The following EIF1AX variants were observed in gnomAD, a reference collection of about 807,000 sequenced individuals.
EIF1AX encodes eukaryotic translation initiation factor 1A X-linked.
Under a neutral mutation model 16.1 loss-of-function variants are expected in EIF1AX, and 1 was observed. The observed-to-expected ratio is 0.06, with a 90% CI of 0.02 to 0.30. The LOEUF (loss-of-function observed/expected upper bound fraction) is 0.30, where lower values mean the gene tolerates loss of function less well. EIF1AX is among the 10% of genes least tolerant of loss of function. The pLI, the probability that EIF1AX is intolerant of heterozygous loss-of-function variation, is 1.00. For synonymous variants in EIF1AX, 32 were observed against 37.3 expected (o/e 0.86, Z 0.51); for missense variants, 11 against 109.1 (o/e 0.10, Z 4.00).
At chrX:20,138,969 A>T (rs2067025985) in intron 1 of EIF1AX, among the ~76,000 whole-genome samples, 1 of 112,540 alleles carries the variant, frequency 8.9e-6, no homozygotes, top group African/African-American at 3.2e-5. Flanking sequence ...CTAAGCGGAA[A>T]TCTTGGGTGT....
intron 4 of EIF1AX, 91 bp from the exon 5 acceptor site, chrX:20,132,354 T>C: frequency 1.8e-6 from 1 of 570,807 alleles, no homozygotes; most frequent in South Asian, 3.9e-5. Flanking sequence ...AACAATCAAA[T>C]CTCACCGTTT....
chrX:20,137,306 C>T (rs1398631224), intron 2 of EIF1AX, among the ~76,000 whole-genome samples: 2 of 110,836 alleles, frequency 1.8e-5, no homozygotes, highest in Non-Finnish European at 1.9e-5. Flanking sequence ...AATACCCAGG[C>T]ATGGTGGCGG....
chrX:20,128,386 A>C, intron 6 of EIF1AX, 75 bp from the exon 7 acceptor site: 1 of 916,573 alleles, frequency 1.1e-6, no homozygotes, highest in Non-Finnish European at 1.5e-6. Flanking sequence ...TATATAAGGG[A>C]GACTTTCACC....
chrX:20,130,742 CT>C, intron 5 of EIF1AX, 135 bp from the exon 6 acceptor site: 2 of 570,006 alleles, frequency 3.5e-6, no homozygotes, highest in Non-Finnish European at 5.0e-6. Context: ...AGTGTCACTG[CT>C]AAGTCAAGAT....
At chrX:20,140,537 C>T (rs1165866497) in intron 1 of EIF1AX, 1 of 111,944 alleles carries the variant, frequency 8.9e-6, no homozygotes, top group Non-Finnish European at 1.9e-5. Context: ...CAGAACACCT[C>T]GACCAAGTAC....
chrX:20,138,423 C>T lies in EIF1AX; in HGVS notation c.100+116G>A, dbSNP rs1021027178. ...GGTCATGGCTGCAGTGGGCTGTAAT[C>T]GTGCCACCACACTTCACCCTGGGCG... On this transcript the variant is annotated intron_variant, in intron 2 of 6. Transcript: ENST00000379607. 5.9e-5 allele frequency: 35 copies of T among 593,135 alleles called. No homozygotes were observed. In the African/African-American group the frequency reaches 6.1e-4, roughly 10 times the overall value. 48.9% of individuals were successfully genotyped at this position (593,135 alleles called of 1,213,427 possible).
Position 20,137,342 on chromosome X carries a change from A to G in EIF1AX, c.100+1197T>C, listed in dbSNP as rs757315474. On this transcript the variant is annotated intron_variant, in intron 2 of 6. Coordinates refer to ENST00000379607, the MANE Select transcript of EIF1AX (RefSeq NM_001412.4). Reference sequence around the variant, plus strand: ...GTGCCTGTAGTCCCAGCTACTTGGGAGGCTGAGGCAGGAGAATGGCGTGAA... The same window carrying G: ...GTGCCTGTAGTCCCAGCTACTTGGGGGGCTGAGGCAGGAGAATGGCGTGAA... Among the ~76,000 whole-genome samples, 11 of 111,226 alleles carry G rather than the reference A, an allele frequency of 9.9e-5. No individual in the cohort carries two copies. The South Asian group carries it at 1.9e-3, about 19-fold the overall frequency.
intron 3 of EIF1AX, among the ~76,000 whole-genome samples, chrX:20,135,100 CT>C (rs755530368): frequency 0.03 from 2,653 of 88,098 alleles, 48 homozygotes; most frequent in African/African-American, 0.065. Flanking sequence ...AGTACCCCAG[CT>C]TTTTTTTTTT....
intron 3 of EIF1AX, 123 bp downstream of exon 3, chrX:20,135,615 C>A (rs1231878192): frequency 2.1e-6 from 1 of 467,082 alleles, no homozygotes; most frequent in East Asian, 3.7e-5. Flanking sequence ...ATAGGTAAAT[C>A]ACTGTTTACC....
intron 2 of EIF1AX, among the ~76,000 whole-genome samples, chrX:20,137,483 T>C (rs1014428473): frequency 9.0e-6 from 1 of 111,285 alleles, no homozygotes; most frequent in Non-Finnish European, 1.9e-5. Flanking sequence ...TATATTTCTT[T>C]ATATGTGTGT....
chrX:20,138,481 C>T (rs1444953573), intron 2 of EIF1AX, 58 bp downstream of exon 2: 7 of 967,084 alleles, frequency 7.2e-6, no homozygotes, highest in Non-Finnish European at 1.0e-5. Flanking sequence ...AAAATAAAGT[C>T]CCCAGCTAAA....
rs749289796 is a variant in EIF1AX, at chrX:20,129,719, C to A, written c.429+797G>T. ...AGTACACACCCAACAGCTAAAAATA[C>A]CATAATTGGCAATAGGCTTCCATTT... On this transcript the variant is annotated intron_variant, in intron 6 of 6. Coordinates refer to ENST00000379607, the MANE Select transcript of EIF1AX (RefSeq NM_001412.4). Among the ~76,000 whole-genome samples the A allele has an allele frequency of 2.9e-4, 32 of 112,194 alleles. No homozygotes were observed. The South Asian group carries it at 9.9e-3, about 35-fold the overall frequency.
intron 2 of EIF1AX, among the ~76,000 whole-genome samples, chrX:20,136,925 C>T (rs1476598087): frequency 9.0e-6 from 1 of 111,142 alleles, no homozygotes; most frequent in Admixed American, 9.6e-5. Context: ...ATATGTATGG[C>T]GTAATAAATC....
chrX:20,134,569 C>T (rs756127659), intron 3 of EIF1AX, among the ~76,000 whole-genome samples: 4 of 108,830 alleles, frequency 3.7e-5, no homozygotes, highest in African/African-American at 6.7e-5. Flanking sequence ...AAAACCTTGT[C>T]TTTACTAAAA....
intron 6 of EIF1AX, among the ~76,000 whole-genome samples, chrX:20,129,102 T>C (rs2066993694): frequency 9.0e-6 from 1 of 111,424 alleles, no homozygotes; most frequent in South Asian, 3.7e-4. Context: ...TCCTCTTGGC[T>C]CAGGGTCTCC....
chrX:20,141,023 T>C (rs1030682715), intron 1 of EIF1AX, among the ~76,000 whole-genome samples: 1 of 111,423 alleles, frequency 9.0e-6, no homozygotes, highest in African/African-American at 3.3e-5. Flanking sequence ...TGGCTCAATA[T>C]GGAATAAGTC....
At chrX:20,136,010 C>T (rs928354077) in intron 2 of EIF1AX, 169 bp from the exon 3 acceptor site, 16 of 425,669 alleles carry the variant, frequency 3.8e-5, no homozygotes, top group Admixed American at 7.9e-5. Flanking sequence ...AGTTAGTTAA[C>T]GGCAGAGCTA....
In EIF1AX at chrX:20,138,073, C is replaced by T. The variant is rs1280473900; in HGVS notation, c.100+466G>A. 5.7e-5 allele frequency among the ~76,000 whole-genome samples: 5 copies of T among 88,120 alleles called. No homozygotes were observed. The East Asian group carries it at 1.2e-3, about 21-fold the overall frequency. The allele number at this position is 88,120 out of a possible 115,157, so 76.5% of individuals were successfully genotyped here. ...AGGCTGGAGTGCAGTGGTGTGATCT[C>T]GGCTCACTGCAACCTCCGCCTCCCA... is the stretch of plus-strand genomic sequence containing the variant. On this transcript the variant is annotated intron_variant, in intron 2 of 6. Coordinates refer to ENST00000379607, the MANE Select transcript of EIF1AX (RefSeq NM_001412.4).
Position 20,125,473 on chromosome X carries a change from T to A in EIF1AX, c.*2833A>T, listed in dbSNP as rs2039936321. On this transcript the variant is annotated 3_prime_UTR_variant, in exon 7 of 7. Coordinates refer to ENST00000379607, the MANE Select transcript of EIF1AX (RefSeq NM_001412.4). Reference sequence around the variant, plus strand: ...TAAAACTTACCCTTACGAAGTAGAATAAAGATAAGCATTTCATACCAATAC... The same window carrying A: ...TAAAACTTACCCTTACGAAGTAGAAAAAAGATAAGCATTTCATACCAATAC... 1 of 171,806 alleles carries A rather than the reference T, an allele frequency of 5.8e-6. No homozygotes were observed. The allele number at this position is 171,806 out of a possible 1,213,427, so 14.2% of individuals were successfully genotyped here. A position where few individuals can be genotyped will look rare whatever the true frequency, so the allele number is the denominator to read the frequency against.
Sources: gnomAD v4.1 joint callset for allele counts (sites outside exome capture counted in the v4.1 genomes callset) on GRCh38, gnomAD v4.1.1 for gene constraint, MANE v1.5 for transcripts, NCBI Gene and HGNC (gene_info 2026-07-23, HGNC 2026-07-21) for gene names.